PSMB5: variants seen among roughly 807,000 people sequenced by gnomAD.
PSMB5 encodes proteasome subunit beta type-5.
In PSMB5, 2 loss-of-function variants were observed where a neutral mutation model predicts 22.8. That is an observed-to-expected ratio of 0.09 (90% CI 0.04 to 0.28). PSMB5 has a LOEUF of 0.28. PSMB5 is among the 10% of genes least tolerant of loss of function. PSMB5 has a pLI of 1.00. For missense variants in PSMB5, 269 were observed against 343.8 expected (o/e 0.78, Z 1.72); for synonymous variants, 133 against 135.3 (o/e 0.98, Z 0.12).
intron 1 of PSMB5, 119 bp downstream of exon 1, chr14:23,034,565 G>A: frequency 8.4e-7 from 1 of 1,190,990 alleles, no homozygotes; most frequent in Non-Finnish European, 1.2e-6. Flanking sequence ...GTCCGAACGA[G>A]AGGACCCAGC....
intron 2 of PSMB5, among the ~76,000 whole-genome samples, chr14:23,030,114 G>A (rs1005153762): frequency 4.6e-5 from 7 of 152,010 alleles, no homozygotes; most frequent in African/African-American, 1.7e-4. Flanking sequence ...CTGATCTCCG[G>A]TGATCCACCC....
intron 2 of PSMB5, among the ~76,000 whole-genome samples, chr14:23,028,302 CAA>C (rs1049954491): frequency 1.1e-4 from 16 of 152,246 alleles, no homozygotes; most frequent in African/African-American, 3.1e-4. Context: ...TGCCAGAACT[CAA>C]AGAGTTTAGA....
chr14:23,026,873 A>G (rs554486632), intron 2 of PSMB5, among the ~76,000 whole-genome samples: 171 of 142,538 alleles, frequency 1.2e-3, no homozygotes, highest in Non-Finnish European at 2.2e-3. Flanking sequence ...ACCTGAGGTC[A>G]GGCGTTTGAG....
At position 23,026,092 on chromosome 14, in the gene PSMB5, G is replaced by C. The variant is rs146647954; in HGVS notation, c.789C>G (p.Pro263=). 2 of 1,613,648 alleles carry C rather than the reference G, an allele frequency of 1.2e-6. No individual in the cohort carries two copies. Among genetic ancestry groups the C allele is most frequent in the Non-Finnish European group, 1.7e-6 (2 of 1,179,582 alleles). ...AAGCAGCTGCATCCACCCTCTTTCA[G>C]GGGGTAGAGCCACTATACTTCTCAT... The part of the protein sequence containing the change: ...DLHEKYSGST[P] Residue 263 remains proline (P), a synonymous_variant, in exon 3 of 3, where the codon CCC becomes CCG. Coordinates refer to ENST00000361611, the MANE Select transcript of PSMB5 (RefSeq NM_002797.5).
chr14:23,027,806 G>A, intron 2 of PSMB5: 1 of 1,547,660 alleles, frequency 6.5e-7, no homozygotes, highest in Non-Finnish European at 8.7e-7. Flanking sequence ...AATGACTTAG[G>A]TTTCAAGCAC....
At position 23,033,606 on chromosome 14, in the gene PSMB5, C is replaced by T. The variant is rs1391532946; in HGVS notation, c.267G>A (p.Thr89=). The T allele has an allele frequency of 3.7e-6, 6 of 1,613,802 alleles. No individual in the cohort carries two copies. The highest frequency in any genetic ancestry group is 5.1e-6 in the Non-Finnish European group (6 of 1,179,850). ...ATAGAYIASQ[T]VKKVIEINPY... ...GGTTGATCTCTATCACCTTCTTCAC[C>T]GTCTGGGAGGCAATGTAAGCACCCG... The change falls in exon 2 of 3, where the codon ACG becomes ACA. Residue 89 remains threonine (T), a synonymous_variant. Transcript: ENST00000361611.
At position 23,026,048 on chromosome 14, in the gene PSMB5, C is replaced by G. The variant is rs1368597547; in HGVS notation, c.*41G>C. On this transcript the variant is annotated 3_prime_UTR_variant, in exon 3 of 3. Transcript: ENST00000361611. ...GTCACTGTGTCCGTATTACCAATGACAGTCACCCCAAGAAACACAAGCAGC... is the reference window on the plus strand; with the variant it reads ...GTCACTGTGTCCGTATTACCAATGAGAGTCACCCCAAGAAACACAAGCAGC... The G allele has an allele frequency of 6.2e-7, 1 of 1,603,432 alleles. No individual in the cohort carries two copies. The highest frequency in any genetic ancestry group is 1.1e-5 in the South Asian group (1 of 89,568).
upstream of PSMB5, chr14:23,035,160 T>A (rs1383106946): frequency 4.4e-6 from 2 of 450,438 alleles, no homozygotes; most frequent in Admixed American, 4.2e-5. Context: ...CAGAATAACC[T>A]CAAAATCACA....
intron 1 of PSMB5, 116 bp downstream of exon 1, chr14:23,034,568 G>A: frequency 8.3e-7 from 1 of 1,201,680 alleles, no homozygotes; most frequent in East Asian, 2.6e-5. Context: ...CGAACGAGAG[G>A]ACCCAGCCTC....
At chr14:23,030,882 G>A (rs368660776) in intron 2 of PSMB5, among the ~76,000 whole-genome samples, 30 of 151,948 alleles carry the variant, frequency 2.0e-4, no homozygotes, top group Admixed American at 1.4e-3. Flanking sequence ...CTGAGATCGC[G>A]CCATTGCACT....
intron 1 of PSMB5, among the ~76,000 whole-genome samples, chr14:23,034,050 A>G (rs987312063): frequency 6.0e-5 from 9 of 150,790 alleles, no homozygotes; most frequent in Admixed American, 1.3e-4. Context: ...GTGTGCCTAT[A>G]GTGTCAGCTA....
chr14:23,026,783 T>A (rs1358302286), intron 2 of PSMB5, among the ~76,000 whole-genome samples: 1 of 148,414 alleles, frequency 6.7e-6, no homozygotes. Flanking sequence ...GAATAAAATT[T>A]AAAAAAATAA....
intron 2 of PSMB5, among the ~76,000 whole-genome samples, chr14:23,027,380 C>CAA (rs768416022): frequency 7.4e-4 from 84 of 113,764 alleles, no homozygotes; most frequent in Admixed American, 2.0e-3. Flanking sequence ...GACTTTGTCT[C>CAA]AAAAAAAAAA....
chr14:23,030,491 T>TA (rs748552372), intron 2 of PSMB5, among the ~76,000 whole-genome samples: 1,422 of 132,008 alleles, frequency 0.011, 9 homozygotes, highest in Admixed American at 0.017. Context: ...TCCGTCTCAA[T>TA]AAAAAAAAAA....
chr14:23,033,796 A>T lies in PSMB5; in HGVS notation c.199-122T>A, dbSNP rs567293000. The T allele has an allele frequency of 6.0e-6, 5 of 839,920 alleles. No homozygotes were observed. The Admixed American group carries it at 1.4e-4, about 23-fold the overall frequency. 52.0% of individuals were successfully genotyped at this position (839,920 alleles called of 1,614,324 possible). A position where few individuals can be genotyped will look rare whatever the true frequency, so the allele number is the denominator to read the frequency against. ...CTTTCTCCGTCCTTTTATACTTCAC[A>T]GTATACTTCTATACTTCACCATATA... On this transcript the variant is annotated intron_variant, in intron 1 of 2. Transcript: ENST00000361611.
At chr14:23,026,877 G>A (rs191642637) in intron 2 of PSMB5, among the ~76,000 whole-genome samples, 33 of 144,260 alleles carry the variant, frequency 2.3e-4, no homozygotes, top group African/African-American at 8.2e-4. Flanking sequence ...GAGGTCAGGC[G>A]TTTGAGACCA....
intron 2 of PSMB5, among the ~76,000 whole-genome samples, chr14:23,030,164 C>T (rs1327792649): frequency 6.6e-6 from 1 of 151,932 alleles, no homozygotes; most frequent in Non-Finnish European, 1.5e-5. Flanking sequence ...AGGCATGAGC[C>T]ACCATGCCCA....
At chr14:23,027,680 T>G in intron 2 of PSMB5, 1 of 1,205,776 alleles carries the variant, frequency 8.3e-7, no homozygotes, top group South Asian at 1.4e-5. Flanking sequence ...GGAATAAAAT[T>G]TAATATTAAG....
chr14:23,034,804 A>C lies in PSMB5; in HGVS notation c.78T>G (p.Asp26Glu). The C allele has an allele frequency of 6.2e-7, 1 of 1,614,214 alleles. No homozygotes were observed. The highest frequency in any genetic ancestry group is 8.5e-7 in the Non-Finnish European group (1 of 1,180,032). Residue 26 changes from aspartate (D) to glutamate (E), a missense_variant, in exon 1 of 3, where the codon GAT (aspartate) becomes GAG (glutamate). Asp to Glu is a conservative substitution (Grantham distance 45). Around this residue, in one of 3 missense-constraint regions of PSMB5, gnomAD observed 81 missense variants for 70.4 expected, o/e 1.15. Coordinates refer to ENST00000361611, the MANE Select transcript of PSMB5 (RefSeq NM_002797.5). ...RGFFGLGGRA[D>E]LLDLGPGSLS... ...GACTCCCTGGACCTAGATCCAGCAG[A>C]TCTGCACGACCCCCAAGTCCGAAAA...
Sources: gnomAD v4.1 joint callset for allele counts (sites outside exome capture counted in the v4.1 genomes callset) on GRCh38, gnomAD v4.1.1 for gene constraint, gnomAD v4.1.1 regional missense constraint, MANE v1.5 for transcripts, NCBI Gene and HGNC (gene_info 2026-07-23, HGNC 2026-07-21) for gene names.